The following CEP95 variants were observed in gnomAD, a reference collection of about 807,000 sequenced individuals.
The protein encoded by CEP95 is centrosomal protein 95.
CEP95 carries 98 observed loss-of-function variants against 111.2 expected under a neutral mutation model. That is an observed-to-expected ratio of 0.88 (90% CI 0.75 to 1.04). CEP95 has a LOEUF of 1.04. Ranked by LOEUF, CEP95 falls within the 50% of genes least tolerant of loss-of-function variation. CEP95 has a pLI of 0.00. For synonymous variants in CEP95, 323 were observed against 327.1 expected (o/e 0.99, Z 0.14); for missense variants, 1,027 against 977.2 (o/e 1.05, Z -0.68).
intron 10 of CEP95, 128 bp from the exon 11 acceptor site, chr17:64,526,983 A>T (rs887636559): frequency 7.7e-6 from 5 of 652,044 alleles, no homozygotes; most frequent in Non-Finnish European, 1.3e-5. Flanking sequence ...ATAATTAAAC[A>T]TGCATAAGCG....
upstream of CEP95, chr17:64,506,846 T>G: frequency 1.7e-6 from 1 of 605,712 alleles, no homozygotes. Context: ...TTTGACGGGT[T>G]TTGGTCGGCG....
intron 3 of CEP95, among the ~76,000 whole-genome samples, chr17:64,512,409 A>T (rs80265234): frequency 6.6e-6 from 1 of 152,342 alleles, no homozygotes; most frequent in African/African-American, 2.4e-5. Context: ...TCTGTAATTA[A>T]ATCTCCAAAA....
rs781790590 is a variant in CEP95 at position 64,514,257 on chromosome 17, T to C, written c.266T>C (p.Ile89Thr). ...TATATTCTGTCTCCAGGAGAAAATA[T>C]AGTGAAAGGAGATAAAGAATCTATT... ...VSLSHITGEN[I>T]VKGDKESIKN... The change falls in exon 4 of 20, where the codon ATA becomes ACA. Residue 89 changes from isoleucine to threonine, a missense_variant. Physicochemically the swap from Ile to Thr is moderately conservative, Grantham distance 89 (BLOSUM62 -1). Coordinates refer to ENST00000556440, the MANE Select transcript of CEP95 (RefSeq NM_138363.3). 5.2e-6 allele frequency: 7 copies of C among 1,341,648 alleles called. No individual in the cohort carries two copies. In the African/African-American group the frequency reaches 5.8e-5, roughly 11 times the overall value. The allele number at this position is 1,341,648 out of a possible 1,614,324, so 83.1% of individuals were successfully genotyped here. A position where few individuals can be genotyped will look rare whatever the true frequency, so the allele number is the denominator to read the frequency against.
chr17:64,515,223 T>C (rs1482135379), intron 4 of CEP95, among the ~76,000 whole-genome samples: 1 of 152,144 alleles, frequency 6.6e-6, no homozygotes, highest in African/African-American at 2.4e-5. Flanking sequence ...ATGTTGATAC[T>C]CTCAAACCTG....
chr17:64,537,821 T>C lies in CEP95; in HGVS notation c.*42T>C. The C allele has an allele frequency of 7.6e-7, 1 of 1,318,466 alleles. No homozygotes were observed. The highest frequency in any genetic ancestry group is 2.5e-5 in the East Asian group (1 of 39,552). 81.7% of individuals were successfully genotyped at this position (1,318,466 alleles called of 1,614,324 possible). ...AGTAGGTGAAGGTTCTGGAGGCCTT[T>C]ACCAGGACAGAGCTAGAATCGAGCC... On this transcript the variant is annotated 3_prime_UTR_variant, in exon 20 of 20. Coordinates refer to ENST00000556440, the MANE Select transcript of CEP95 (RefSeq NM_138363.3).
chr17:64,526,631 T>C (rs1029971238), intron 10 of CEP95, among the ~76,000 whole-genome samples: 20 of 152,190 alleles, frequency 1.3e-4, no homozygotes, highest in Admixed American at 1.3e-3. Flanking sequence ...TTATTGAAAC[T>C]TAGTGATCCA....
intron 14 of CEP95, chr17:64,532,319 C>T (rs1968336639): frequency 2.7e-6 from 3 of 1,113,424 alleles, no homozygotes; most frequent in Non-Finnish European, 3.3e-6. Flanking sequence ...TTGTCTATTT[C>T]TGGGAGGTTG....
intron 10 of CEP95, among the ~76,000 whole-genome samples, 182 bp downstream of exon 10, chr17:64,526,382 C>G (rs1292587984): frequency 6.6e-6 from 1 of 152,188 alleles, no homozygotes; most frequent in African/African-American, 2.4e-5. Context: ...CATGATCTAA[C>G]TAAATTTGGT....
chr17:64,515,815 C>T (rs1005316258), intron 4 of CEP95: 2 of 152,188 alleles, frequency 1.3e-5, no homozygotes, highest in African/African-American at 4.8e-5. Flanking sequence ...TCTTTATTAT[C>T]ACTAATCATA....
Position 64,526,172 on chromosome 17 carries a change from T to A in CEP95, c.1124T>A (p.Leu375His), listed in dbSNP as rs782583355. The A allele has an allele frequency of 1.8e-5, 29 of 1,612,914 alleles. No homozygotes were observed. The highest frequency in any genetic ancestry group is 2.3e-5 in the Non-Finnish European group (27 of 1,179,660). ...GAATTACATGATGTATCAGAAAAAC[T>A]CTCTCAGCGGCTTTCTGAACTAGAT... is the stretch of plus-strand genomic sequence containing the variant. Reference protein sequence around the residue: ...EQELHDVSEKLSQRLSELDWM... With the variant: ...EQELHDVSEKHSQRLSELDWM... The change falls in exon 10 of 20, where the codon CTC becomes CAC. Residue 375 changes from leucine (L) to histidine (H), a missense_variant. By Grantham distance (99) the Leu-to-His change is moderately conservative. Coordinates refer to ENST00000556440, the MANE Select transcript of CEP95 (RefSeq NM_138363.3).
At chr17:64,506,866 C>T (rs547638673), upstream of CEP95, 4 of 631,644 alleles carry the variant, frequency 6.3e-6, no homozygotes, top group East Asian at 5.5e-5. Context: ...GGAGAATGGT[C>T]TCTAAACTTC....
At chr17:64,511,616 A>G (rs1163871357) in intron 3 of CEP95, among the ~76,000 whole-genome samples, 9 of 152,100 alleles carry the variant, frequency 5.9e-5, no homozygotes, top group Admixed American at 2.0e-4. Context: ...CATGCTCTAC[A>G]ATTTTGTGCA....
Position 64,536,736 on chromosome 17 carries a change from CTAT to C in CEP95, c.2206_2208del (p.Tyr736del). 1 of 1,603,344 alleles carries C rather than the reference CTAT, an allele frequency of 6.2e-7. No homozygotes were observed. ...ATGAACTGGACTCCATGGAGAACTA[CTAT>C]AAGGACCAGGTGGGCTCCTGGCACT... On this transcript the variant is annotated inframe_deletion, in exon 18 of 20. Coordinates refer to ENST00000556440, the MANE Select transcript of CEP95 (RefSeq NM_138363.3).
At chr17:64,531,847 G>T in intron 13 of CEP95, 43 bp from the exon 14 acceptor site, 1 of 1,403,838 alleles carries the variant, frequency 7.1e-7, no homozygotes, top group Non-Finnish European at 9.5e-7. Context: ...TGAAAGAACT[G>T]TTAGACCTTT....
chr17:64,528,890 A>G (rs1555679678), intron 11 of CEP95, among the ~76,000 whole-genome samples: 1 of 152,228 alleles, frequency 6.6e-6, no homozygotes, highest in African/African-American at 2.4e-5. Context: ...CTATAAGCAT[A>G]TATAATAAGA....
intron 17 of CEP95, 67 bp downstream of exon 17, chr17:64,534,804 C>T: frequency 6.5e-7 from 1 of 1,545,896 alleles, no homozygotes; most frequent in Non-Finnish European, 8.8e-7. Flanking sequence ...GGACCACCTT[C>T]TTTGTTCGTG....
At chr17:64,507,453 T>A in intron 1 of CEP95, 1 of 1,321,832 alleles carries the variant, frequency 7.6e-7, no homozygotes, top group Non-Finnish European at 9.7e-7. Context: ...CCTCCGCCCT[T>A]GCACTATGGG....
upstream of CEP95, chr17:64,506,807 G>T (rs1020795553): frequency 7.0e-6 from 4 of 571,728 alleles, 1 homozygote; most frequent in Admixed American, 9.0e-5. Context: ...GGCTGATGTG[G>T]ACCGTCCGAC....
chr17:64,536,919 C>G lies in CEP95; in HGVS notation c.2218-122C>G, dbSNP rs782645262. 1.4e-4 allele frequency: 163 copies of G among 1,191,934 alleles called. 1 individual carries two copies. Among genetic ancestry groups the G allele is most frequent in the Non-Finnish European group, 1.8e-4 (155 of 853,176 alleles). 73.8% of individuals were successfully genotyped at this position (1,191,934 alleles called of 1,614,324 possible). ...AATTTAAGATCAAATAATACCTGAC[C>G]ATAGTACAGTATATTTCCCTATTTC... On this transcript the variant is annotated intron_variant, in intron 18 of 19. Transcript: ENST00000556440.
Sources: allele counts gnomAD v4.1 joint callset (sites outside exome capture counted in the v4.1 genomes callset), GRCh38; gene constraint gnomAD v4.1.1; transcripts MANE v1.5; gene names NCBI Gene and HGNC (gene_info 2026-07-23, HGNC 2026-07-21).